ADAMTSL3: variants seen among roughly 807,000 people sequenced by gnomAD.
ADAMTSL3 encodes ADAMTS-like protein 3.
Under a neutral mutation model 201.7 loss-of-function variants are expected in ADAMTSL3, and 128 were observed. The observed-to-expected ratio is 0.63, with a 90% CI of 0.55 to 0.73. The LOEUF (loss-of-function observed/expected upper bound fraction) is 0.73, where lower values mean the gene tolerates loss of function less well. Ranked by LOEUF, ADAMTSL3 falls within the 30% of genes least tolerant of loss-of-function variation. The probability of loss-of-function intolerance (pLI) is 0.00; values close to 1 mark genes in which losing one functional copy is unlikely to be tolerated. For synonymous variants in ADAMTSL3, 738 were observed against 748.4 expected (o/e 0.99, Z 0.23); for missense variants, 1,990 against 2,119.6 (o/e 0.94, Z 1.20).
chr15:83,933,180 G>A (rs1035520160), intron 17 of ADAMTSL3, among the ~76,000 whole-genome samples: 13 of 152,146 alleles, frequency 8.5e-5, no homozygotes, highest in African/African-American at 3.1e-4. Context: ...AGAGAGAGCT[G>A]AAAAAATTAC....
At chr15:83,947,936 C>T (rs1342917705) in intron 19 of ADAMTSL3, among the ~76,000 whole-genome samples, 2 of 152,162 alleles carry the variant, frequency 1.3e-5, no homozygotes, top group Non-Finnish European at 2.9e-5. Flanking sequence ...ACCAGTTCTC[C>T]CCACTTCCTG....
At chr15:83,897,108 CAG>C (rs1461921002) in intron 13 of ADAMTSL3, among the ~76,000 whole-genome samples, 1 of 152,036 alleles carries the variant, frequency 6.6e-6, no homozygotes, top group Non-Finnish European at 1.5e-5. Context: ...GGTGGGGACA[CAG>C]AGCCAAATCA....
chr15:83,858,776 T>G lies in ADAMTSL3; in HGVS notation c.738T>G (p.Asn246Lys). 1 of 1,613,666 alleles carries G rather than the reference T, an allele frequency of 6.2e-7. No homozygotes were observed. Among genetic ancestry groups the G allele is most frequent in the Non-Finnish European group, 8.5e-7 (1 of 1,179,768 alleles). The change falls in exon 8 of 30, where the codon AAT (asparagine) becomes AAG (lysine). Residue 246 changes from asparagine to lysine, a missense_variant. Coordinates refer to ENST00000286744, the MANE Select transcript of ADAMTSL3 (RefSeq NM_207517.3). ...SHVSPEKREE[N>K]VIAVPLGSRS... is the part of the protein sequence containing the mutation. ...TCTGTTCTTTCCCAGGAGAAGAAAATGTAATTGCTGTTCCTTTGGGAAGTC... is the reference window on the plus strand; with the variant it reads ...TCTGTTCTTTCCCAGGAGAAGAAAAGGTAATTGCTGTTCCTTTGGGAAGTC...
chr15:83,856,430 G>A (rs2064734864), intron 7 of ADAMTSL3, among the ~76,000 whole-genome samples: 1 of 151,944 alleles, frequency 6.6e-6, no homozygotes, highest in African/African-American at 2.4e-5. Flanking sequence ...TCTTGCCTTG[G>A]CCTCCCAAAC....
chr15:84,003,473 AG>A (rs2067836236), intron 23 of ADAMTSL3, among the ~76,000 whole-genome samples: 1 of 152,040 alleles, frequency 6.6e-6, no homozygotes, highest in Non-Finnish European at 1.5e-5. Flanking sequence ...TAAAGAAATG[AG>A]TTGCTTTAAT....
chr15:83,888,133 A>G (rs898899814), intron 10 of ADAMTSL3, among the ~76,000 whole-genome samples: 4 of 152,218 alleles, frequency 2.6e-5, no homozygotes, highest in African/African-American at 9.6e-5. Context: ...AGCACTTAGC[A>G]GTGAGATCGT....
chr15:83,722,111 A>G (rs73454629), intron 3 of ADAMTSL3, among the ~76,000 whole-genome samples: 39 of 152,326 alleles, frequency 2.6e-4, no homozygotes, highest in African/African-American at 8.4e-4. Context: ...AGATGAGCAA[A>G]GATGAAAACA....
rs373765952 is a variant in ADAMTSL3 at position 83,982,583 on chromosome 15, C to G, written c.2955C>G (p.Gly985=). ...TCGGCGTGTACCGGTGCATTGCAGG[C>G]TCTGCACAGGAAACAGTTGTGCTCA... ...PDIGVYRCIA[G]SAQETVVLKL... Residue 985 remains glycine, a synonymous_variant, in exon 21 of 30, where the codon GGC becomes GGG. Coordinates refer to ENST00000286744, the MANE Select transcript of ADAMTSL3 (RefSeq NM_207517.3). The G allele has an allele frequency of 1.5e-5, 24 of 1,614,214 alleles. No homozygotes were observed. The African/African-American group carries it at 2.8e-4, about 19-fold the overall frequency.
chr15:83,803,382 C>T (rs1421519021), intron 4 of ADAMTSL3, among the ~76,000 whole-genome samples: 1 of 152,040 alleles, frequency 6.6e-6, no homozygotes, highest in Non-Finnish European at 1.5e-5. Context: ...GACCTCCTAT[C>T]CACTTTAAAA....
intron 28 of ADAMTSL3, among the ~76,000 whole-genome samples, chr15:84,034,181 T>C (rs987160727): frequency 6.6e-6 from 1 of 152,002 alleles, no homozygotes; most frequent in Non-Finnish European, 1.5e-5. Context: ...TCTTCTGCAG[T>C]GTTTTAGCCC....
At chr15:83,706,876 C>T (rs187131553) in intron 3 of ADAMTSL3, among the ~76,000 whole-genome samples, 39 of 151,362 alleles carry the variant, frequency 2.6e-4, no homozygotes, top group African/African-American at 8.7e-4. Flanking sequence ...GCTATGTTGA[C>T]CAGGTTGGCC....
intron 3 of ADAMTSL3, among the ~76,000 whole-genome samples, chr15:83,770,521 G>A (rs1371970574): frequency 6.6e-6 from 1 of 152,194 alleles, no homozygotes; most frequent in Non-Finnish European, 1.5e-5. Context: ...CTGTAGAGAA[G>A]AGATAGAAAA....
intron 23 of ADAMTSL3, among the ~76,000 whole-genome samples, chr15:84,002,939 T>TTC (rs199999385): frequency 3.0e-3 from 354 of 116,528 alleles, no homozygotes; most frequent in African/African-American, 0.011. Context: ...TTCTTTTCTT[T>TTC]TTTTTTTTTT....
intron 6 of ADAMTSL3, among the ~76,000 whole-genome samples, chr15:83,834,260 A>G (rs61177240): frequency 0.1 from 15,542 of 152,290 alleles, 1,008 homozygotes; most frequent in East Asian, 0.32. Context: ...AGTGACACAG[A>G]TCAATCACTT....
chr15:83,931,505 G>A (rs149213964), intron 17 of ADAMTSL3, among the ~76,000 whole-genome samples: 2 of 152,304 alleles, frequency 1.3e-5, no homozygotes, highest in South Asian at 4.2e-4. Flanking sequence ...ATTTAGCTAT[G>A]TAGTCCAATT....
chr15:83,667,785 G>T (rs1277173308), intron 2 of ADAMTSL3, among the ~76,000 whole-genome samples: 1 of 151,972 alleles, frequency 6.6e-6, no homozygotes, highest in African/African-American at 2.4e-5. Context: ...ACCAAAAATT[G>T]GATTGTCCAT....
intron 24 of ADAMTSL3, 123 bp downstream of exon 24, chr15:84,014,847 G>A (rs2141894965): frequency 1.0e-6 from 1 of 954,810 alleles, no homozygotes; most frequent in Non-Finnish European, 1.6e-6. Context: ...AACCATTGCT[G>A]CCACTGCCTG....
intron 5 of ADAMTSL3, among the ~76,000 whole-genome samples, chr15:83,809,280 AG>A (rs1198056746): frequency 2.0e-5 from 3 of 152,136 alleles, no homozygotes; most frequent in African/African-American, 7.2e-5. Context: ...AGCCCTAAGG[AG>A]TTGAAAGAAA....
In ADAMTSL3 at chr15:83,932,252, C is replaced by T. The variant is rs114522447; in HGVS notation, c.2117+8219C>T. Among the ~76,000 whole-genome samples, 383 of 152,288 alleles carry T rather than the reference C, an allele frequency of 2.5e-3. 3 individuals are homozygous for T. Among genetic ancestry groups the T allele is most frequent in the African/African-American group, 8.8e-3 (366 of 41,558 alleles). ...ATGATGGACTTGATATCCTTAAAGGCTTTTTGCTAAATACCTCTAAAATAC... is the reference window on the plus strand; with the variant it reads ...ATGATGGACTTGATATCCTTAAAGGTTTTTTGCTAAATACCTCTAAAATAC... On this transcript the variant is annotated intron_variant, in intron 17 of 29. Coordinates refer to ENST00000286744, the MANE Select transcript of ADAMTSL3 (RefSeq NM_207517.3).
Sources: allele counts gnomAD v4.1 joint callset (sites outside exome capture counted in the v4.1 genomes callset), GRCh38; gene constraint gnomAD v4.1.1; transcripts MANE v1.5; gene names NCBI Gene and HGNC (gene_info 2026-07-23, HGNC 2026-07-21).